NOL4L: variants seen among roughly 807,000 people sequenced by gnomAD.
NOL4L encodes nucleolar protein 4 like.
Under a neutral mutation model 64.5 loss-of-function variants are expected in NOL4L, and 7 were observed. The observed-to-expected ratio is 0.11, with a 90% confidence interval of 0.06 to 0.20. NOL4L has a LOEUF of 0.20. NOL4L is among the 10% of genes least tolerant of loss of function. The pLI, the probability that NOL4L is intolerant of heterozygous loss-of-function variation, is 1.00. For synonymous variants in NOL4L, 413 were observed against 401.0 expected (o/e 1.03, Z -0.36); for missense variants, 680 against 967.1 (o/e 0.70, Z 3.94).
chr20:32,536,188 G>C (rs1404697081), intron 1 of NOL4L: 2 of 985,450 alleles, frequency 2.0e-6, no homozygotes, highest in African/African-American at 3.5e-5. Flanking sequence ...CTACTCTGGC[G>C]ACCCGCCTCC....
At chr20:32,502,756 C>CA (rs1247356886) in intron 4 of NOL4L, among the ~76,000 whole-genome samples, 18 of 151,380 alleles carry the variant, frequency 1.2e-4, no homozygotes, top group Admixed American at 3.3e-4. Flanking sequence ...ACTAAAAATA[C>CA]AAAAATTAGC....
chr20:32,534,026 C>T (rs535852295), intron 1 of NOL4L, among the ~76,000 whole-genome samples: 2 of 152,322 alleles, frequency 1.3e-5, no homozygotes, highest in African/African-American at 4.8e-5. Flanking sequence ...ATTAGAGCTT[C>T]GAAGTCACTT....
chr20:32,443,965 C>G lies in NOL4L; in HGVS notation c.*3631G>C, dbSNP rs935083022. 6.6e-6 allele frequency: 1 copy of G among 152,212 alleles called. No individual in the cohort carries two copies. The highest frequency in any genetic ancestry group is 1.5e-5 in the Non-Finnish European group (1 of 68,050). The allele number at this position is 152,212 out of a possible 1,614,324, so 9.4% of individuals were successfully genotyped here. On this transcript the variant is annotated 3_prime_UTR_variant, in exon 11 of 11. Coordinates refer to ENST00000621426, the MANE Select transcript of NOL4L (RefSeq NM_001256798.2). ...AAGTGTTTTTCAGCCAATCTGAGTT[C>G]TACGTGGTATAGGTTTTTTGTTGTA...
intron 2 of NOL4L, among the ~76,000 whole-genome samples, chr20:32,523,989 C>T (rs1381191557): frequency 2.0e-5 from 3 of 152,168 alleles, no homozygotes; most frequent in Admixed American, 6.5e-5. Flanking sequence ...TGGATTAGCA[C>T]GTGGTGGGCC....
chr20:32,470,237 G>A (rs1838777877), intron 5 of NOL4L, among the ~76,000 whole-genome samples: 1 of 152,258 alleles, frequency 6.6e-6, no homozygotes, highest in African/African-American at 2.4e-5. Flanking sequence ...TTTCCGCTCA[G>A]GAAGGGGCAG....
chr20:32,453,252 G>A lies in NOL4L; in HGVS notation c.1497+52C>T, dbSNP rs924089718. ...CCCGGGCATCCTGGGAGTGTGGCAG[G>A]AGGTCAGTAGTGGCACCGAGGGAAA... On this transcript the variant is annotated intron_variant, in intron 8 of 10. Coordinates refer to ENST00000621426, the MANE Select transcript of NOL4L (RefSeq NM_001256798.2). The surrounding 1 kb of genome is among the most constrained non-coding windows in gnomAD (Gnocchi z 5.6). 4 of 1,581,340 alleles carry A rather than the reference G, an allele frequency of 2.5e-6. No individual in the cohort carries two copies. In the African/African-American group the frequency reaches 4.0e-5, roughly 16 times the overall value.
At chr20:32,474,877 A>AC in intron 4 of NOL4L, 135 bp from the exon 5 acceptor site, 1 of 1,430,424 alleles carries the variant, frequency 7.0e-7, no homozygotes, top group Non-Finnish European at 9.1e-7. Flanking sequence ...CAAACCTTGA[A>AC]GTGAGGGCTG....
intron 4 of NOL4L, among the ~76,000 whole-genome samples, chr20:32,484,421 CGCA>C (rs2015955719): frequency 6.6e-6 from 1 of 152,098 alleles, no homozygotes; most frequent in African/African-American, 2.4e-5. Context: ...CTTCCCCATC[CGCA>C]CCGTCTCGCT....
intron 4 of NOL4L, among the ~76,000 whole-genome samples, chr20:32,504,774 T>C (rs2017073251): frequency 6.6e-6 from 1 of 152,020 alleles, no homozygotes; most frequent in Non-Finnish European, 1.5e-5. Context: ...CAGCTAATTT[T>C]TGTATTTTTA....
At position 32,538,476 on chromosome 20, in the gene NOL4L, TC is replaced by T. The variant is rs1568700509; in HGVS notation, c.322-10564del. On this transcript the variant is annotated intron_variant, in intron 1 of 10. Transcript: ENST00000621426. ...CTCCCTCCCTCGCTCCCTCCCTCCC[TC>T]CCTCCCTCCCTCCCTCCCTCCCTCC... is the stretch of plus-strand genomic sequence containing the variant. 1.8e-4 allele frequency among the ~76,000 whole-genome samples: 8 copies of T among 43,386 alleles called. 1 individual carries two copies. Among genetic ancestry groups the T allele is most frequent in the African/African-American group, 5.4e-4 (8 of 14,782 alleles). 28.5% of individuals were successfully genotyped at this position (43,386 alleles called of 152,430 possible). A position where few individuals can be genotyped will look rare whatever the true frequency, so the allele number is the denominator to read the frequency against.
chr20:32,563,805 G>A (rs894619581), intron 1 of NOL4L, among the ~76,000 whole-genome samples: 2 of 152,320 alleles, frequency 1.3e-5, no homozygotes, highest in Admixed American at 6.5e-5. Context: ...AAGCCACGAC[G>A]TCCTAGAGCC....
chr20:32,503,662 G>A (rs2017014020), intron 4 of NOL4L, among the ~76,000 whole-genome samples: 1 of 152,214 alleles, frequency 6.6e-6, no homozygotes, highest in East Asian at 1.9e-4. Context: ...AGCAAAATCT[G>A]CAAATGGTGA....
At chr20:32,487,207 G>T (rs1306851948) in intron 4 of NOL4L, among the ~76,000 whole-genome samples, 1 of 152,172 alleles carries the variant, frequency 6.6e-6, no homozygotes, top group Non-Finnish European at 1.5e-5. Flanking sequence ...AGCAGAGGTT[G>T]CAGTGAGCCG....
chr20:32,541,604 C>G (rs997994259), intron 1 of NOL4L, among the ~76,000 whole-genome samples: 1 of 152,200 alleles, frequency 6.6e-6, no homozygotes, highest in African/African-American at 2.4e-5. Flanking sequence ...TCCATCGGCC[C>G]GGGCCTGGAA....
intron 5 of NOL4L, among the ~76,000 whole-genome samples, chr20:32,471,600 T>C (rs1302134844): frequency 2.6e-5 from 4 of 152,190 alleles, no homozygotes; most frequent in Non-Finnish European, 4.4e-5. Context: ...GCTGGATCAC[T>C]TGTCAGCAGG....
chr20:32,574,087 G>C (rs1405818857), intron 1 of NOL4L, among the ~76,000 whole-genome samples: 1 of 152,128 alleles, frequency 6.6e-6, no homozygotes, highest in African/African-American at 2.4e-5. Context: ...TATACAGAAG[G>C]GGTCAGGGAT....
At chr20:32,583,464 C>A (rs985436079) in intron 1 of NOL4L, among the ~76,000 whole-genome samples, 1 of 91,040 alleles carries the variant, frequency 1.1e-5, no homozygotes. Context: ...GAGGGGGGAG[C>A]GGGGGAGCGG....
intron 2 of NOL4L, among the ~76,000 whole-genome samples, chr20:32,524,520 C>T (rs768897205): frequency 5.9e-5 from 9 of 152,210 alleles, no homozygotes; most frequent in Non-Finnish European, 1.2e-4. Context: ...GTCCTAACTC[C>T]TATAGTACCC....
chr20:32,508,716 G>A (rs1451755273), intron 4 of NOL4L, among the ~76,000 whole-genome samples: 1 of 152,170 alleles, frequency 6.6e-6, no homozygotes. Context: ...GCCCCAGCTG[G>A]ACTCCCAGAA....
Sources: gnomAD v4.1 joint callset for allele counts (sites outside exome capture counted in the v4.1 genomes callset) on GRCh38, gnomAD v4.1.1 for gene constraint, Gnocchi (gnomAD v3.1) non-coding constraint, MANE v1.5 for transcripts, NCBI Gene and HGNC (gene_info 2026-07-23, HGNC 2026-07-21) for gene names.